POLG: variants seen among roughly 807,000 people sequenced by gnomAD.
POLG encodes DNA polymerase subunit gamma-1.
POLG carries 110 observed loss-of-function variants against 155.4 expected under a neutral mutation model. The ratio of observed to expected loss-of-function variants is 0.71; its 90% CI spans 0.61 to 0.83. The LOEUF (loss-of-function observed/expected upper bound fraction) is 0.83. POLG is among the 40% of genes least tolerant of loss of function. POLG has a pLI of 0.00. For missense variants in POLG, 1,685 were observed against 1,627.5 expected (o/e 1.04, Z -0.61); for synonymous variants, 701 against 631.5 (o/e 1.11, Z -1.65).
chr15:89,316,958 A>G, intron 22 of POLG, 131 bp from the exon 23 acceptor site: 1 of 738,862 alleles, frequency 1.4e-6, no homozygotes, highest in South Asian at 1.4e-5. Context: ...CACGAACGGT[A>G]ATGTTACATG....
rs199810950 is a variant in POLG at position 89,319,340 on chromosome 15, A to G, written c.2992T>C (p.Ser998Pro). Residue 998 changes from serine (S) to proline (P), a missense_variant, in exon 19 of 23, where the codon TCG becomes CCG. By Grantham distance (74) the Ser-to-Pro change is moderately conservative. Transcript: ENST00000268124. The stretch of plus-strand genomic sequence containing the variant: ...CTCACCAGCCACTCGCCCTCATCCG[A>G]CAGCCGATACCTGGGGGCAGTGTTA... ...ATKGLRWYRLSDEGEWLVREL... is the reference protein window; with the variant it reads ...ATKGLRWYRLPDEGEWLVREL... 1.2e-6 allele frequency: 2 copies of G among 1,612,748 alleles called. No individual in the cohort carries two copies. Among genetic ancestry groups the G allele is most frequent in the Non-Finnish European group, 1.7e-6 (2 of 1,179,796 alleles).
At chr15:89,322,517 C>G (rs1464455503) in intron 14 of POLG, among the ~76,000 whole-genome samples, 2 of 152,228 alleles carry the variant, frequency 1.3e-5, no homozygotes, top group African/African-American at 2.4e-5. Flanking sequence ...TCTGTTGGAG[C>G]TACGAAGGGC....
rs1398079290 is a variant in POLG at position 89,333,694 on chromosome 15, C to G, written c.61G>C (p.Ala21Pro). The change falls in exon 2 of 23, where the codon GCT becomes CCT. Residue 21 changes from alanine to proline, a missense_variant. Around this residue, in one of 3 missense-constraint regions of POLG, gnomAD observed 1,210 missense variants for 1,167.1 expected, o/e 1.04. Coordinates refer to ENST00000268124, the MANE Select transcript of POLG (RefSeq NM_002693.3). ...GATVGPGPVP[A>P]PGRWVSSSVP... ...GAGCTGGAGACCCAGCGCCCCGGAG[C>G]TGGAACCGGCCCTGGCCCGACGGTG... The G allele has an allele frequency of 1.3e-6, 2 of 1,541,986 alleles. No homozygotes were observed. The highest frequency in any genetic ancestry group is 1.7e-6 in the Non-Finnish European group (2 of 1,149,566).
chr15:89,325,704 G>T lies in POLG; in HGVS notation c.1713-18C>A. The T allele has an allele frequency of 6.4e-7, 1 of 1,560,890 alleles. No homozygotes were observed. The highest frequency in any genetic ancestry group is 8.8e-7 in the Non-Finnish European group (1 of 1,141,612). Reference sequence around the variant, plus strand: ...GGTACCATCTACGTCCCAGCAGGAAGACAGCAGTGTCACGATGGTAAGGGC... The same window carrying T: ...GGTACCATCTACGTCCCAGCAGGAATACAGCAGTGTCACGATGGTAAGGGC... On this transcript the variant is annotated intron_variant, in intron 9 of 22. Transcript: ENST00000268124.
intron 22 of POLG, chr15:89,317,153 G>A (rs1008135462): frequency 1.3e-5 from 8 of 606,406 alleles, no homozygotes; most frequent in Admixed American, 5.8e-5. Context: ...TGAAGTAGGG[G>A]ACAGGTACAG....
At chr15:89,317,131 T>C in intron 22 of POLG, 2 of 596,546 alleles carry the variant, frequency 3.4e-6, no homozygotes, top group Non-Finnish European at 3.0e-6. Flanking sequence ...CTTTAAACAT[T>C]TCTTCTGTGG....
Position 89,333,259 on chromosome 15 carries a change from G to C in POLG, c.496C>G (p.Pro166Ala). 6.4e-7 allele frequency: 1 copy of C among 1,566,430 alleles called. No individual in the cohort carries two copies. Among genetic ancestry groups the C allele is most frequent in the Non-Finnish European group, 8.7e-7 (1 of 1,154,774 alleles). The change falls in exon 2 of 23, where the codon CCC becomes GCC. Residue 166 changes from proline (P) to alanine (A), a missense_variant. Transcript: ENST00000268124. ...CCCTCCGCCCAGGCCCAAGCCGGGG[G>C]CTTCGGGGGCAGCTGGGCCTGCAAC... ...LLLQAQLPPKPPAWAWAEGWT... is the reference protein window; with the variant it reads ...LLLQAQLPPKAPAWAWAEGWT...
In POLG at chr15:89,326,698, A is replaced by G. The variant is rs376576519; in HGVS notation, c.1626T>C (p.Asp542=). Residue 542 remains aspartate (D), a synonymous_variant, in exon 9 of 23, where the codon GAT becomes GAC. Transcript: ENST00000268124. The part of the protein sequence containing the change: ...PCSEEEEFQQ[D]VMARACLQKL... ...TCTGCAAGCAGGCGCGGGCCATGAC[A>G]TCTTGTTGAAACTCCTCCTCCTCAC... 21 of 1,613,986 alleles carry G rather than the reference A, an allele frequency of 1.3e-5. No homozygotes were observed. Among genetic ancestry groups the G allele is most frequent in the Non-Finnish European group, 1.8e-5 (21 of 1,180,030 alleles).
At chr15:89,332,983 G>T in intron 2 of POLG, 113 bp downstream of exon 2, 2 of 1,377,698 alleles carry the variant, frequency 1.5e-6, no homozygotes, top group South Asian at 1.7e-5. Context: ...ACACATCAGC[G>T]CTCCCTACGT....
Position 89,328,737 on chromosome 15 carries a change from G to A in POLG, c.1118C>T (p.Pro373Leu), listed in dbSNP as rs796052917. 1 of 1,614,158 alleles carries A rather than the reference G, an allele frequency of 6.2e-7. No homozygotes were observed. The highest frequency in any genetic ancestry group is 8.5e-7 in the Non-Finnish European group (1 of 1,180,028). The change falls in exon 5 of 23, where the codon CCT (proline) becomes CTT (leucine). Residue 373 changes from proline to leucine, a missense_variant. Around this residue, in one of 3 missense-constraint regions of POLG, gnomAD observed 1,210 missense variants for 1,167.1 expected, o/e 1.04. Coordinates refer to ENST00000268124, the MANE Select transcript of POLG (RefSeq NM_002693.3). ...YVGGPPLEKE[P>L]RELFVKGTMK... Reference sequence around the variant, plus strand: ...GGTGCCCTTCACAAACAGTTCTCGAGGCTCCTTCTCTAAGGGAGGCCCCCC... The same window carrying A: ...GGTGCCCTTCACAAACAGTTCTCGAAGCTCCTTCTCTAAGGGAGGCCCCCC...
chr15:89,318,479 C>A, intron 21 of POLG, 62 bp downstream of exon 21: 1 of 1,402,750 alleles, frequency 7.1e-7, no homozygotes, highest in Non-Finnish European at 1.0e-6. Context: ...GCCCAAGGAA[C>A]GCTCACCCAA....
chr15:89,325,662 C>G lies in POLG; in HGVS notation c.1737G>C (p.Arg579=). The G allele has an allele frequency of 1.2e-6, 2 of 1,610,158 alleles. No individual in the cohort carries two copies. Among genetic ancestry groups the G allele is most frequent in the Non-Finnish European group, 1.7e-6 (2 of 1,179,938 alleles). ...CCGGGGTCCATGCAGGGTCGTCTAG[C>G]CGGGGGCAGAGCTTCCGGTACCATC... ...HPGWYRKLCP[R]LDDPAWTPGP... The change falls in exon 10 of 23, where the codon CGG becomes CGC. Residue 579 remains arginine (R), a synonymous_variant. Transcript: ENST00000268124.
chr15:89,328,948 G>A lies in POLG; in HGVS notation c.1018C>T (p.Pro340Ser), dbSNP rs1183751473. 1.2e-6 allele frequency: 2 copies of A among 1,613,938 alleles called. No individual in the cohort carries two copies. ...QKSQRKARRG[P>S]AISSWDWLDI... Reference sequence around the variant, plus strand: ...CACCGGCAGTGTGCTCTCACCGCTGGGCCTCTTCTGGCTTTCCTCTGGGAC... The same window carrying A: ...CACCGGCAGTGTGCTCTCACCGCTGAGCCTCTTCTGGCTTTCCTCTGGGAC... Residue 340 changes from proline (P) to serine (S), a missense_variant, in exon 4 of 23, where the codon CCA becomes TCA. Around this residue, in one of 3 missense-constraint regions of POLG, gnomAD observed 1,210 missense variants for 1,167.1 expected, o/e 1.04. Coordinates refer to ENST00000268124, the MANE Select transcript of POLG (RefSeq NM_002693.3).
Position 89,316,464 on chromosome 15 carries a change from A to T in POLG, c.*287T>A, listed in dbSNP as rs767363025. 1 of 1,607,746 alleles carries T rather than the reference A, an allele frequency of 6.2e-7. No individual in the cohort carries two copies. The highest frequency in any genetic ancestry group is 8.5e-7 in the Non-Finnish European group (1 of 1,176,370). On this transcript the variant is annotated 3_prime_UTR_variant, in exon 23 of 23. Transcript: ENST00000268124. ...AAGAAGAAAAGGAAAAAATAAATGAAATGCCTGAGTTAATGTGAACTTTGG... is the reference window on the plus strand; with the variant it reads ...AAGAAGAAAAGGAAAAAATAAATGATATGCCTGAGTTAATGTGAACTTTGG...
At chr15:89,328,395 G>T in intron 6 of POLG, 61 bp downstream of exon 6, 1 of 1,341,126 alleles carries the variant, frequency 7.5e-7, no homozygotes, top group East Asian at 2.4e-5. Flanking sequence ...CCTGATTACA[G>T]TGGGCCCGGG....
chr15:89,325,205 AGAGAGT>A (rs1363624091), intron 10 of POLG, among the ~76,000 whole-genome samples: 1 of 69,280 alleles, frequency 1.4e-5, no homozygotes, highest in Non-Finnish European at 3.0e-5. Flanking sequence ...AGAGTGAGTG[AGAGAGT>A]GAGTGAGTGA....
chr15:89,328,234 A>G (rs1029219972), intron 6 of POLG, among the ~76,000 whole-genome samples: 2 of 152,222 alleles, frequency 1.3e-5, no homozygotes, highest in African/African-American at 2.4e-5. Context: ...GACCGTGCAC[A>G]TGACACACAA....
At position 89,333,616 on chromosome 15, in the gene POLG, G is replaced by GCTA; in HGVS notation, c.138_139insTAG (p.Gln46_Gln47insTer). ...TGCTGTTGCTGCTGCTGCTGCTGCTGCTGCTGCTGCTGCCGCCGCCGCTGC... is the reference window on the plus strand; with the variant it reads ...TGCTGTTGCTGCTGCTGCTGCTGCTGCTACTGCTGCTGCTGCCGCCGCCGCTGC... On this transcript the variant is annotated stop_gained and inframe_insertion, in exon 2 of 23. Transcript: ENST00000268124. LOFTEE classifies it high-confidence loss of function. 6.2e-7 allele frequency: 1 copy of GCTA among 1,601,214 alleles called. No individual in the cohort carries two copies.
chr15:89,316,938 G>C, intron 22 of POLG, 111 bp from the exon 23 acceptor site: 3 of 812,334 alleles, frequency 3.7e-6, no homozygotes, highest in Middle Eastern at 2.2e-4. Flanking sequence ...GAAAGGTTGA[G>C]AACAATTGCC....
Sources: allele counts gnomAD v4.1 joint callset (sites outside exome capture counted in the v4.1 genomes callset), GRCh38; gene constraint gnomAD v4.1.1; regional missense constraint gnomAD v4.1.1; transcripts MANE v1.5; gene names NCBI Gene and HGNC (gene_info 2026-07-23, HGNC 2026-07-21).